The following HOMER2 variants were observed in gnomAD, a reference collection of about 807,000 sequenced individuals.
HOMER2 encodes the protein homer scaffold protein 2, also known as homer protein homolog 2.
In HOMER2, 27 loss-of-function variants were observed where a neutral mutation model predicts 47.0. The observed-to-expected ratio is 0.57, with a 90% CI of 0.42 to 0.79. The LOEUF (loss-of-function observed/expected upper bound fraction) is 0.79, where lower values mean the gene tolerates loss of function less well. Among genes scored for constraint, HOMER2 ranks in the 30% least tolerant of loss-of-function variants. The pLI is 0.00. For synonymous variants in HOMER2, 161 were observed against 163.8 expected, an observed-to-expected ratio of 0.98 and a Z score of 0.13; for missense variants, 443 against 435.0, an observed-to-expected ratio of 1.02 and a Z score of -0.16.
At chr15:82,928,875 T>C (rs2053922283) in intron 1 of HOMER2, among the ~76,000 whole-genome samples, 1 of 140,618 alleles carries the variant, frequency 7.1e-6, no homozygotes, top group Middle Eastern at 3.4e-3. Flanking sequence ...AGATGAATCC[T>C]ATTACAGCCA....
chr15:82,914,949 C>T (rs952697551), intron 1 of HOMER2, among the ~76,000 whole-genome samples: 2 of 151,870 alleles, frequency 1.3e-5, no homozygotes, highest in South Asian at 2.1e-4. Context: ...CTTGGGAAGC[C>T]GAAGTGGGAG....
chr15:82,908,174 T>G (rs969614642), intron 1 of HOMER2, among the ~76,000 whole-genome samples: 1 of 152,116 alleles, frequency 6.6e-6, no homozygotes, highest in Non-Finnish European at 1.5e-5. Flanking sequence ...TCTATAAAAT[T>G]AGATTGTGGT....
chr15:82,877,110 T>A (rs1176640071), intron 2 of HOMER2, among the ~76,000 whole-genome samples: 1 of 152,242 alleles, frequency 6.6e-6, no homozygotes, highest in Non-Finnish European at 1.5e-5. Context: ...AACGAGCCTA[T>A]GCATACGACT....
intron 2 of HOMER2, among the ~76,000 whole-genome samples, chr15:82,891,876 A>C (rs2052719313): frequency 6.6e-6 from 1 of 152,154 alleles, no homozygotes; most frequent in Admixed American, 6.5e-5. Context: ...GGTGGTTTAG[A>C]GGACAAAAAG....
intron 1 of HOMER2, among the ~76,000 whole-genome samples, chr15:82,902,732 C>A (rs1237962355): frequency 6.6e-6 from 1 of 151,836 alleles, no homozygotes; most frequent in Non-Finnish European, 1.5e-5. Flanking sequence ...AAACATTATT[C>A]TTAATATTGA....
intron 1 of HOMER2, among the ~76,000 whole-genome samples, chr15:82,903,737 G>A (rs942973820): frequency 3.9e-5 from 6 of 152,218 alleles, no homozygotes; most frequent in Non-Finnish European, 7.3e-5. Flanking sequence ...CTCACGCCTT[G>A]TAATCCCAGC....
At chr15:82,973,126 C>A (rs1350816338) in intron 1 of HOMER2, among the ~76,000 whole-genome samples, 1 of 152,218 alleles carries the variant, frequency 6.6e-6, no homozygotes, top group East Asian at 1.9e-4. Flanking sequence ...CTGGCTACAG[C>A]AGTGTCTAAT....
intron 6 of HOMER2, chr15:82,852,620 G>C: frequency 5.1e-6 from 1 of 195,216 alleles, no homozygotes; most frequent in Non-Finnish European, 1.0e-5. Flanking sequence ...CCCCTGAATT[G>C]ATCTGCTTTT....
upstream of HOMER2, among the ~76,000 whole-genome samples, chr15:82,953,234 A>G (rs2054544651): frequency 6.6e-6 from 1 of 151,934 alleles, no homozygotes; most frequent in Admixed American, 6.6e-5. Context: ...CGCCACCGTG[A>G]AATTTCGGAA....
upstream of HOMER2, among the ~76,000 whole-genome samples, chr15:82,954,782 T>C (rs1465544343): frequency 1.3e-5 from 2 of 152,036 alleles, no homozygotes; most frequent in Non-Finnish European, 2.9e-5. Context: ...CATTCTGTTT[T>C]GTTGTTGTTG....
rs573194406 is a variant in HOMER2, at chr15:82,898,034, T to C, written c.6-5193A>G. On this transcript the variant is annotated intron_variant, in intron 1 of 8. Coordinates refer to ENST00000450735, the MANE Select transcript of HOMER2 (RefSeq NM_004839.4). ...AGCTTACTACACACCAAGCAAACCA[T>C]AAATGTTCTCATTTAATCCTCCCAA... Among the ~76,000 whole-genome samples, 5 of 152,330 alleles carry C rather than the reference T, an allele frequency of 3.3e-5. No homozygotes were observed. In the East Asian group the frequency reaches 7.7e-4, roughly 23 times the overall value.
chr15:82,852,408 A>AGCT, intron 6 of HOMER2, 156 bp from the exon 7 acceptor site: 1 of 596,852 alleles, frequency 1.7e-6, no homozygotes, highest in Admixed American at 3.1e-5. Context: ...AACCCCATGC[A>AGCT]GCTCCATCAT....
At chr15:82,863,600 C>T (rs1167292254) in intron 4 of HOMER2, among the ~76,000 whole-genome samples, 1 of 152,166 alleles carries the variant, frequency 6.6e-6, no homozygotes, top group East Asian at 1.9e-4. Context: ...CGACTTCCCC[C>T]ACCACCACAT....
intron 4 of HOMER2, among the ~76,000 whole-genome samples, chr15:82,863,302 T>C (rs1207250871): frequency 2.6e-5 from 4 of 152,000 alleles, no homozygotes; most frequent in African/African-American, 9.7e-5. Context: ...AAGCCAACCC[T>C]CTCAGGTGAA....
At chr15:82,954,578 C>T (rs928543613), upstream of HOMER2, among the ~76,000 whole-genome samples, 2 of 152,044 alleles carry the variant, frequency 1.3e-5, no homozygotes, top group East Asian at 1.9e-4. Flanking sequence ...CATGAGCCAC[C>T]GTGCCTGGCC....
intron 4 of HOMER2, among the ~76,000 whole-genome samples, chr15:82,860,646 C>T (rs1037618194): frequency 6.6e-6 from 1 of 151,960 alleles, no homozygotes; most frequent in African/African-American, 2.4e-5. Context: ...TAAAGAAGTA[C>T]AAAATGAAGG....
At chr15:82,929,546 C>A (rs1174639717) in intron 1 of HOMER2, among the ~76,000 whole-genome samples, 1 of 148,152 alleles carries the variant, frequency 6.7e-6, no homozygotes, top group Non-Finnish European at 1.5e-5. Context: ...ATCCCAGCTA[C>A]TTGGGAGGCT....
At chr15:82,897,296 C>A (rs1031043048) in intron 1 of HOMER2, among the ~76,000 whole-genome samples, 7 of 152,012 alleles carry the variant, frequency 4.6e-5, no homozygotes, top group African/African-American at 1.5e-4. Flanking sequence ...GAACTCCTGA[C>A]CTCATGATCC....
At chr15:82,847,261 A>C (rs902311047), downstream of HOMER2, 1 of 152,244 alleles carries the variant, frequency 6.6e-6, no homozygotes, top group Non-Finnish European at 1.5e-5. Flanking sequence ...TTTTAAAAGA[A>C]AGTAAATGAA....
Sources: gnomAD v4.1 joint callset for allele counts (sites outside exome capture counted in the v4.1 genomes callset) on GRCh38, gnomAD v4.1.1 for gene constraint, MANE v1.5 for transcripts, NCBI Gene and HGNC (gene_info 2026-07-23, HGNC 2026-07-21) for gene names.